The following NEBL variants were observed in gnomAD, a reference collection of about 807,000 sequenced individuals.
NEBL encodes the protein nebulette.
In NEBL, 122 loss-of-function variants were observed where a neutral mutation model predicts 140.2. The observed-to-expected ratio is 0.87, with a 90% CI of 0.75 to 1.01. The LOEUF is 1.01. Ranked by LOEUF, NEBL falls within the 50% of genes least tolerant of loss-of-function variation. NEBL has a pLI of 0.00. For missense variants in NEBL, 1,365 were observed against 1,231.3 expected (o/e 1.11, Z -1.62); for synonymous variants, 436 against 398.9 (o/e 1.09, Z -1.11).
chr10:20,794,324 CATATT>C (rs1182573373), intron 26 of NEBL, among the ~76,000 whole-genome samples: 4 of 148,332 alleles, frequency 2.7e-5, no homozygotes, highest in Non-Finnish European at 6.0e-5. Context: ...TCTAGACTCT[CATATT>C]ATCTTTGTTT....
chr10:21,157,431 A>T (rs147584483), intron 2 of NEBL, among the ~76,000 whole-genome samples: 2,161 of 152,106 alleles, frequency 0.014, 47 homozygotes, highest in African/African-American at 0.049. Context: ...TTAGCTGGGT[A>T]TGGTGGCACG....
chr10:21,187,026 G>A (rs547319903), intron 3 of NEBL, among the ~76,000 whole-genome samples: 3 of 138,138 alleles, frequency 2.2e-5, no homozygotes, highest in African/African-American at 2.9e-5. Context: ...GTGTGTGTGT[G>A]TGTATACATA....
intron 2 of NEBL, among the ~76,000 whole-genome samples, chr10:21,035,567 AAACTCAAT>A (rs949262303): frequency 3.3e-5 from 5 of 152,140 alleles, no homozygotes; most frequent in Non-Finnish European, 7.3e-5. Context: ...AATTAAACTA[AAACTCAAT>A]AGGTCATTAT....
At chr10:20,909,422 T>A (rs935370634) in intron 4 of NEBL, among the ~76,000 whole-genome samples, 1 of 152,130 alleles carries the variant, frequency 6.6e-6, no homozygotes, top group Non-Finnish European at 1.5e-5. Context: ...GGTGGCACTC[T>A]TAATAATTTA....
chr10:21,167,668 A>C (rs1840839294), intron 2 of NEBL, among the ~76,000 whole-genome samples: 1 of 152,212 alleles, frequency 6.6e-6, no homozygotes, highest in Non-Finnish European at 1.5e-5. Flanking sequence ...AAATTAAATA[A>C]TTTATTTGAC....
chr10:20,959,995 T>A (rs1312748125), intron 4 of NEBL, among the ~76,000 whole-genome samples: 1 of 152,094 alleles, frequency 6.6e-6, no homozygotes, highest in Non-Finnish European at 1.5e-5. Context: ...ATAAAATGTA[T>A]ATTCCTGCTA....
intron 19 of NEBL, 51 bp from the exon 20 acceptor site, chr10:20,819,567 C>T: frequency 6.2e-7 from 1 of 1,605,208 alleles, no homozygotes; most frequent in South Asian, 1.1e-5. Flanking sequence ...TAAATACGTC[C>T]CAAAACATTG....
chr10:21,161,999 G>A (rs11012550), intron 2 of NEBL, among the ~76,000 whole-genome samples: 7,577 of 152,242 alleles, frequency 0.05, 349 homozygotes, highest in East Asian at 0.22. Context: ...GCTTTGAGCC[G>A]GATGAGATCA....
In NEBL at chr10:21,088,912, G is replaced by A. The variant is rs547969812; in HGVS notation, c.165-68711C>T. On this transcript the variant is annotated intron_variant, in intron 2 of 6. Coordinates refer to the NEBL transcript ENST00000417816. The stretch of plus-strand genomic sequence containing the variant: ...CTTTCTGGAAGAACTGCCCTCTGCC[G>A]TGAGGATGGGCAGTTAATGAACCAC... Among the ~76,000 whole-genome samples the A allele has an allele frequency of 2.0e-4, 30 of 152,174 alleles. 1 individual carries two copies. Among genetic ancestry groups the A allele is most frequent in the Non-Finnish European group, 3.2e-4 (22 of 68,038 alleles).
In NEBL at chr10:20,794,312, C is replaced by T. The variant is rs533797088; in HGVS notation, c.2762-7004G>A. ...TAGGATCCTAATAATCAATTCTCCT[C>T]TTCTAGACTCTCATATTATCTTTGT... On this transcript the variant is annotated intron_variant, in intron 26 of 27. Coordinates refer to ENST00000377122, the MANE Select transcript of NEBL (RefSeq NM_006393.3). 5.3e-5 allele frequency among the ~76,000 whole-genome samples: 8 copies of T among 150,436 alleles called. No homozygotes were observed. The East Asian group carries it at 1.6e-3, about 30-fold the overall frequency.
chr10:21,278,636 C>A (rs3847375), intron 1 of NEBL, among the ~76,000 whole-genome samples: 45,175 of 152,040 alleles, frequency 0.3, 11,014 homozygotes, highest in African/African-American at 0.68. Context: ...AGGGGTCTAT[C>A]GGAGCACTGA....
At chr10:20,932,426 G>A (rs562573474) in intron 4 of NEBL, among the ~76,000 whole-genome samples, 2 of 152,052 alleles carry the variant, frequency 1.3e-5, no homozygotes, top group Admixed American at 1.3e-4. Flanking sequence ...GGGCTGGGGG[G>A]TGGGGGAGAA....
intron 3 of NEBL, among the ~76,000 whole-genome samples, chr10:20,985,123 C>T (rs944764596): frequency 6.6e-6 from 1 of 152,146 alleles, no homozygotes. Context: ...TAATAATAGA[C>T]ATAAAGTGTA....
intron 14 of NEBL, among the ~76,000 whole-genome samples, chr10:20,834,654 TG>T (rs1840709909): frequency 6.6e-6 from 1 of 152,208 alleles, no homozygotes; most frequent in Non-Finnish European, 1.5e-5. Flanking sequence ...GATACTCCAC[TG>T]AAGCCCCCAC....
chr10:20,812,194 A>G (rs1838216190), intron 24 of NEBL, among the ~76,000 whole-genome samples: 1 of 152,158 alleles, frequency 6.6e-6, no homozygotes, highest in South Asian at 2.1e-4. Context: ...GGTCAACAGA[A>G]CAACACGTCA....
chr10:21,040,285 G>A (rs185739116), intron 2 of NEBL, among the ~76,000 whole-genome samples: 4 of 152,230 alleles, frequency 2.6e-5, no homozygotes, highest in East Asian at 3.9e-4. Flanking sequence ...AGAATCGCTC[G>A]AACCCAGGAG....
intron 2 of NEBL, among the ~76,000 whole-genome samples, chr10:21,067,233 A>C (rs928790412): frequency 1.2e-4 from 19 of 152,230 alleles, no homozygotes; most frequent in Non-Finnish European, 2.6e-4. Flanking sequence ...GGCCTCCCAA[A>C]GTGCTGAGAT....
At chr10:21,029,840 G>A (rs1167581109) in intron 2 of NEBL, 2 of 691,522 alleles carry the variant, frequency 2.9e-6, no homozygotes, top group Non-Finnish European at 5.3e-6. Context: ...TGGCAGAAGG[G>A]CATTTGGCAG....
At chr10:21,046,663 C>G (rs895299513) in intron 2 of NEBL, among the ~76,000 whole-genome samples, 9 of 152,090 alleles carry the variant, frequency 5.9e-5, no homozygotes, top group African/African-American at 1.9e-4. Context: ...TGCAGTGGTG[C>G]GATCTCGGCT....
Sources: gnomAD v4.1 joint callset for allele counts (sites outside exome capture counted in the v4.1 genomes callset) on GRCh38, gnomAD v4.1.1 for gene constraint, MANE v1.5 for transcripts, NCBI Gene and HGNC (gene_info 2026-07-23, HGNC 2026-07-21) for gene names.